Variants in VPS39 observed in about 807,000 individuals in gnomAD.
VPS39 encodes vam6/Vps39-like protein.
A neutral mutation model predicts 121.0 loss-of-function variants in VPS39; 70 were observed. The ratio of observed to expected loss-of-function variants is 0.58; its 90% CI spans 0.48 to 0.71. The LOEUF is 0.71. VPS39 is among the 30% of genes least tolerant of loss of function. The pLI is 0.00. For synonymous variants in VPS39, 378 were observed against 398.1 expected, an observed-to-expected ratio of 0.95 and a Z score of 0.60; for missense variants, 818 against 1,051.5, an observed-to-expected ratio of 0.78 and a Z score of 3.07.
chr15:42,191,261 G>T, intron 3 of VPS39, 94 bp from the exon 4 acceptor site: 3 of 1,428,648 alleles, frequency 2.1e-6, no homozygotes, highest in Non-Finnish European at 2.0e-6. Context: ...GGACCACGGA[G>T]CCTATCCAGT....
At chr15:42,164,537 T>A (rs2049204481) in intron 18 of VPS39, 51 bp from the exon 19 acceptor site, 1 of 1,603,444 alleles carries the variant, frequency 6.2e-7, no homozygotes, top group Non-Finnish European at 8.5e-7. Flanking sequence ...GGTGGCAATG[T>A]AGGGTCATCA....
At chr15:42,206,288 C>T (rs1030869329) in intron 1 of VPS39, among the ~76,000 whole-genome samples, 3 of 152,178 alleles carry the variant, frequency 2.0e-5, no homozygotes, top group African/African-American at 7.2e-5. Context: ...GGGGTAATGA[C>T]TAGAAAGAGC....
intron 16 of VPS39, 122 bp downstream of exon 16, chr15:42,166,037 C>A (rs2049236048): frequency 2.6e-6 from 3 of 1,134,470 alleles, no homozygotes; most frequent in Non-Finnish European, 3.9e-6. Context: ...CCAGTCCACC[C>A]TTTCTTCATG....
intron 7 of VPS39, 78 bp from the exon 8 acceptor site, chr15:42,184,778 C>T (rs1030227374): frequency 5.0e-6 from 7 of 1,393,428 alleles, no homozygotes; most frequent in Admixed American, 4.7e-5. Context: ...AGATAGAACC[C>T]GAAACCTAGA....
At chr15:42,197,484 T>C (rs2049967161) in intron 2 of VPS39, among the ~76,000 whole-genome samples, 1 of 151,638 alleles carries the variant, frequency 6.6e-6, no homozygotes, top group South Asian at 2.1e-4. Flanking sequence ...ACCCAGGAGG[T>C]TGAGGCTGCA....
At chr15:42,178,802 G>T in intron 8 of VPS39, 1 of 502,216 alleles carries the variant, frequency 2.0e-6, no homozygotes, top group Non-Finnish European at 3.5e-6. Flanking sequence ...GGAAGTTTGA[G>T]ACCGACCTAG....
chr15:42,174,900 G>A lies in VPS39; in HGVS notation c.961-1048C>T, dbSNP rs1160495673. Among the ~76,000 whole-genome samples the A allele has an allele frequency of 3.9e-5, 6 of 152,080 alleles. No individual in the cohort carries two copies. In the South Asian group the frequency reaches 8.3e-4, roughly 21 times the overall value. On this transcript the variant is annotated intron_variant, in intron 10 of 24. Coordinates refer to ENST00000318006, the MANE Select transcript of VPS39 (RefSeq NM_015289.5). Reference sequence around the variant, plus strand: ...AAGGCAGGAGAACTGCTTGAACCCAGGAGGCGGAGGTTGCAGTGAGCCAAG... The same window carrying A: ...AAGGCAGGAGAACTGCTTGAACCCAAGAGGCGGAGGTTGCAGTGAGCCAAG...
chr15:42,205,573 A>C (rs2050151676), intron 1 of VPS39, among the ~76,000 whole-genome samples: 1 of 152,214 alleles, frequency 6.6e-6, no homozygotes, highest in African/African-American at 2.4e-5. Flanking sequence ...GAAGACAGGG[A>C]AGAAATCAGG....
At chr15:42,193,490 G>T (rs1673089662) in intron 2 of VPS39, among the ~76,000 whole-genome samples, 1 of 152,068 alleles carries the variant, frequency 6.6e-6, no homozygotes, top group African/African-American at 2.4e-5. Context: ...ACCTGTCAAT[G>T]AACTTTTCAT....
At chr15:42,194,230 C>T (rs956483748) in intron 2 of VPS39, among the ~76,000 whole-genome samples, 4 of 151,788 alleles carry the variant, frequency 2.6e-5, no homozygotes, top group Non-Finnish European at 5.9e-5. Flanking sequence ...TTTGGGAGGC[C>T]GAGAAACCTC....
rs1012488423 is a variant in VPS39, at chr15:42,158,797, A to G, written c.*1957T>C. The G allele has an allele frequency of 1.2e-4, 18 of 152,370 alleles. No individual in the cohort carries two copies. The highest frequency in any genetic ancestry group is 3.1e-4 in the African/African-American group (13 of 41,592). The allele number at this position is 152,370 out of a possible 1,614,324, so 9.4% of individuals were successfully genotyped here. A position where few individuals can be genotyped will look rare whatever the true frequency, so the allele number is the denominator to read the frequency against. ...AAAGCTTTCATCTCCAGCCTTCTCC[A>G]TAGCTCTGTGGAGGGCAGAGAGTTG... is the stretch of plus-strand genomic sequence containing the variant. On this transcript the variant is annotated 3_prime_UTR_variant, in exon 25 of 25. Transcript: ENST00000318006.
rs2049238681 is a variant in VPS39, at chr15:42,166,158, C to G, written c.1680+1G>C. ...AAATCCAAGGGACTCCTGTGGCTCA[C>G]CTTCAGGCCATCTTCTGGGAAGTCT... On this transcript the variant is annotated splice_donor_variant, in intron 16 of 24. Coordinates refer to ENST00000318006, the MANE Select transcript of VPS39 (RefSeq NM_015289.5). LOFTEE classifies it high-confidence loss of function. 6.2e-7 allele frequency: 1 copy of G among 1,614,128 alleles called. No homozygotes were observed. Among genetic ancestry groups the G allele is most frequent in the African/African-American group, 1.3e-5 (1 of 75,056 alleles).
At chr15:42,174,459 A>C (rs578196720) in intron 10 of VPS39, among the ~76,000 whole-genome samples, 1 of 152,348 alleles carries the variant, frequency 6.6e-6, no homozygotes, top group African/African-American at 2.4e-5. Flanking sequence ...GAGGACACTA[A>C]GGACACATGA....
intron 2 of VPS39, 28 bp from the exon 3 acceptor site, chr15:42,191,588 T>C (rs373478959): frequency 1.9e-6 from 3 of 1,599,676 alleles, no homozygotes; most frequent in East Asian, 4.5e-5. Flanking sequence ...ACACTGGTAG[T>C]TCCAAATACA....
chr15:42,202,791 G>A (rs576558523), intron 1 of VPS39, among the ~76,000 whole-genome samples: 7 of 152,076 alleles, frequency 4.6e-5, no homozygotes, highest in Admixed American at 3.9e-4. Context: ...GTCTCTCTGG[G>A]GACCCCTGTG....
rs1289027311 is a variant in VPS39, at chr15:42,163,332, G to C, written c.2175+18C>G. ...AGAGGTATGCACACGTGCTCCCTGG[G>C]TCAGGGTCACTACTCACATCTTTGT... On this transcript the variant is annotated intron_variant, in intron 21 of 24. Coordinates refer to ENST00000318006, the MANE Select transcript of VPS39 (RefSeq NM_015289.5). 6.2e-7 allele frequency: 1 copy of C among 1,614,188 alleles called. No homozygotes were observed. Among genetic ancestry groups the C allele is most frequent in the Non-Finnish European group, 8.5e-7 (1 of 1,180,026 alleles).
chr15:42,207,581 T>C (rs1253704891), intron 1 of VPS39, among the ~76,000 whole-genome samples: 5 of 151,948 alleles, frequency 3.3e-5, no homozygotes, highest in Admixed American at 6.6e-5. Context: ...ACTACATGAG[T>C]TCCCTACAGG....
At chr15:42,163,109 T>G (rs2049168043) in intron 21 of VPS39, among the ~76,000 whole-genome samples, 1 of 151,998 alleles carries the variant, frequency 6.6e-6, no homozygotes, top group Admixed American at 6.6e-5. Context: ...ATGACACAAA[T>G]CAAGAGAGTA....
At chr15:42,171,972 T>G (rs2049355694) in intron 11 of VPS39, among the ~76,000 whole-genome samples, 1 of 152,170 alleles carries the variant, frequency 6.6e-6, no homozygotes, top group African/African-American at 2.4e-5. Flanking sequence ...GGTCAGACCA[T>G]GACCTAATCC....
Sources: allele counts gnomAD v4.1 joint callset (sites outside exome capture counted in the v4.1 genomes callset), GRCh38; gene constraint gnomAD v4.1.1; transcripts MANE v1.5; gene names NCBI Gene and HGNC (gene_info 2026-07-23, HGNC 2026-07-21).